Variants in MDN1 observed in about 807,000 individuals in gnomAD.
MDN1 encodes the protein midasin.
Under a neutral mutation model 669.2 loss-of-function variants are expected in MDN1, and 266 were observed. That is an observed-to-expected ratio of 0.40 (90% confidence interval 0.36 to 0.44). MDN1 has a LOEUF of 0.44. Among genes scored for constraint, MDN1 ranks in the 20% least tolerant of loss-of-function variants. The pLI is 1.00. For missense variants in MDN1, 5,940 were observed against 6,754.0 expected (o/e 0.88, Z 4.22); for synonymous variants, 2,385 against 2,457.1 (o/e 0.97, Z 0.87).
chr6:89,746,517 C>G (rs566054895), intron 27 of MDN1, among the ~76,000 whole-genome samples: 226 of 149,598 alleles, frequency 1.5e-3, no homozygotes, highest in African/African-American at 5.3e-3. Flanking sequence ...GAACCCAGAC[C>G]CGGGAGGCAG....
rs144375686 is a variant in MDN1 at position 89,708,603 on chromosome 6, G to A, written c.7791C>T (p.Pro2597=). The A allele has an allele frequency of 1.2e-6, 2 of 1,613,578 alleles. No individual in the cohort carries two copies. The highest frequency in any genetic ancestry group is 1.3e-5 in the African/African-American group (1 of 74,842). ...TTDEFVIPLD[P]RWNMQALDMI... is the part of the protein sequence containing the mutation. The stretch of plus-strand genomic sequence containing the variant: ...TGTCCAGAGCCTGCATATTCCATCG[G>A]GGATCCAGAGGGATCACAAATTCAT... Residue 2597 remains proline (P), a synonymous_variant, in exon 51 of 102, where the codon CCC becomes CCT. Transcript: ENST00000369393.
chr6:89,795,502 G>A (rs1209813347), intron 2 of MDN1, among the ~76,000 whole-genome samples: 5 of 152,066 alleles, frequency 3.3e-5, no homozygotes, highest in Admixed American at 2.6e-4. Context: ...CCTGAAGCTG[G>A]AAGATCATTT....
At chr6:89,658,459 C>A in intron 89 of MDN1, 89 bp from the exon 90 acceptor site, 6 of 1,570,560 alleles carry the variant, frequency 3.8e-6, no homozygotes. Context: ...TTCCCCACTC[C>A]TCACTAAGGG....
In MDN1 at chr6:89,694,202, G is replaced by A; in HGVS notation, c.9772-19C>T. The A allele has an allele frequency of 6.3e-7, 1 of 1,591,748 alleles. No homozygotes were observed. The highest frequency in any genetic ancestry group is 8.6e-7 in the Non-Finnish European group (1 of 1,159,698). ...GGTGTAACTAATGGAAAAGAGAGAA[G>A]TTAGTCCACTGTGTCCCAGCTATGA... On this transcript the variant is annotated intron_variant, in intron 61 of 101. Transcript: ENST00000369393.
At chr6:89,755,618 C>T (rs2128319657) in intron 20 of MDN1, among the ~76,000 whole-genome samples, 1 of 152,224 alleles carries the variant, frequency 6.6e-6, no homozygotes, top group East Asian at 1.9e-4. Flanking sequence ...CACAGTAAAA[C>T]ATTAATATCA....
chr6:89,670,170 A>ATATATATATATTTTTTTTT (rs1444537561), intron 83 of MDN1, among the ~76,000 whole-genome samples: 2 of 23,410 alleles, frequency 8.5e-5, no homozygotes, highest in Non-Finnish European at 1.2e-4. Flanking sequence ...ATATATATAT[A>ATATATATATATTTTTTTTT]TTTTTTTTTT....
chr6:89,691,047 C>T (rs1324541847), intron 63 of MDN1, among the ~76,000 whole-genome samples: 1 of 152,166 alleles, frequency 6.6e-6, no homozygotes, highest in Non-Finnish European at 1.5e-5. Flanking sequence ...CTAAATCCCC[C>T]CTGCTGTGTC....
chr6:89,724,809 C>A (rs1451406580), intron 38 of MDN1, among the ~76,000 whole-genome samples: 4 of 152,134 alleles, frequency 2.6e-5, no homozygotes, highest in Non-Finnish European at 5.9e-5. Context: ...GATTTTTATT[C>A]TTCATAGTAG....
rs75791210 is a variant in MDN1 at position 89,646,917 on chromosome 6, C to G, written c.16396-314G>C. 5.3e-5 allele frequency among the ~76,000 whole-genome samples: 8 copies of G among 152,264 alleles called. No homozygotes were observed. The East Asian group carries it at 1.5e-3, about 29-fold the overall frequency. On this transcript the variant is annotated intron_variant, in intron 99 of 101. Transcript: ENST00000369393. ...TCTGCCTCAGCCTGCCGCCAAGTAA[C>G]TAGCACTACAGGTATGTGCCACCAC...
At chr6:89,648,813 C>A (rs369816493) in intron 97 of MDN1, among the ~76,000 whole-genome samples, 1,075 of 121,704 alleles carry the variant, frequency 8.8e-3, no homozygotes, top group African/African-American at 9.3e-3. Flanking sequence ...ACCCTGTCTT[C>A]AAAAAAAAAA....
Position 89,648,265 on chromosome 6 carries a change from G to A in MDN1, c.16271C>T (p.Ala5424Val). 1 of 1,613,948 alleles carries A rather than the reference G, an allele frequency of 6.2e-7. No individual in the cohort carries two copies. The highest frequency in any genetic ancestry group is 8.5e-7 in the Non-Finnish European group (1 of 1,179,844). ...ALTLLEVGQI[A>V]VCSFGESVKL... ...TACAAAGCAACCTTACCTACACACTGCAATCTGACCCACTTCCAGGAGGGT... is the reference window on the plus strand; with the variant it reads ...TACAAAGCAACCTTACCTACACACTACAATCTGACCCACTTCCAGGAGGGT... Residue 5424 changes from alanine to valine, a missense_variant, in exon 98 of 102, where the codon GCA becomes GTA. By Grantham distance (64) the Ala-to-Val change is moderately conservative. Transcript: ENST00000369393.
intron 1 of MDN1, among the ~76,000 whole-genome samples, chr6:89,813,859 G>T (rs1169859297): frequency 1.3e-5 from 2 of 151,326 alleles, no homozygotes; most frequent in South Asian, 2.1e-4. Context: ...TGGGAGGACT[G>T]CTTGAGCCCA....
rs923758567 is a variant in MDN1 at position 89,695,534 on chromosome 6, A to C, written c.9771+71T>G. 6.6e-7 allele frequency: 1 copy of C among 1,505,464 alleles called. No homozygotes were observed. The highest frequency in any genetic ancestry group is 1.4e-5 in the African/African-American group (1 of 71,558). The allele number at this position is 1,505,464 out of a possible 1,614,324, so 93.3% of individuals were successfully genotyped here. A position where few individuals can be genotyped will look rare whatever the true frequency, so the allele number is the denominator to read the frequency against. ...ATCTGAGCACCCAAAAGGGAATAAA[A>C]GGAGTAATACAATAAGCAAACCCAG... On this transcript the variant is annotated intron_variant, in intron 61 of 101. Coordinates refer to ENST00000369393, the MANE Select transcript of MDN1 (RefSeq NM_014611.3). The surrounding 1 kb of genome is among the most constrained non-coding windows in gnomAD (Gnocchi z 4.1).
chr6:89,790,237 T>C lies in MDN1; in HGVS notation c.1020A>G (p.Glu340=), dbSNP rs779286731. Residue 340 remains glutamate (E), a synonymous_variant, in exon 6 of 102, where the codon GAA becomes GAG. Coordinates refer to ENST00000369393, the MANE Select transcript of MDN1 (RefSeq NM_014611.3). ...TTCTACCTGTCACTGCAGCTAAATA[T>C]TCAACTAAGGAAGTTTTGCCACATC... ...PIGCGKTSLV[E]YLAAVTGRTK... is the part of the protein sequence containing the mutation. 1 of 1,614,142 alleles carries C rather than the reference T, an allele frequency of 6.2e-7. No individual in the cohort carries two copies. Among genetic ancestry groups the C allele is most frequent in the Non-Finnish European group, 8.5e-7 (1 of 1,180,012 alleles).
At chr6:89,717,590 T>G (rs1814472499) in intron 43 of MDN1, among the ~76,000 whole-genome samples, 1 of 152,212 alleles carries the variant, frequency 6.6e-6, no homozygotes, top group Non-Finnish European at 1.5e-5. Context: ...CATTTAAAAA[T>G]ATATGACACA....
Position 89,794,672 on chromosome 6 carries a change from G to A in MDN1, c.459C>T (p.Phe153=), listed in dbSNP as rs1819479715. ...CAGACTGCTCCTGCTGCAGAAACTT[G>A]AAGGCTGCTTCCATTAGGTCCCGGA... ...MKLRDLMEAA[F]KFLQQEQSVF... The change falls in exon 3 of 102, where the codon TTC becomes TTT. Residue 153 remains phenylalanine, a synonymous_variant. Transcript: ENST00000369393. The A allele has an allele frequency of 1.2e-6, 2 of 1,614,168 alleles. No homozygotes were observed. The highest frequency in any genetic ancestry group is 1.7e-6 in the Non-Finnish European group (2 of 1,180,042).
chr6:89,676,645 T>C (rs1260234286), intron 76 of MDN1, among the ~76,000 whole-genome samples: 1 of 152,216 alleles, frequency 6.6e-6, no homozygotes, highest in Non-Finnish European at 1.5e-5. Flanking sequence ...AAACTACTAT[T>C]CAGCTACAGT....
intron 72 of MDN1, among the ~76,000 whole-genome samples, chr6:89,683,571 G>A (rs1811793527): frequency 6.6e-6 from 1 of 152,124 alleles, no homozygotes; most frequent in Non-Finnish European, 1.5e-5. Context: ...TTTGCTCAAA[G>A]TATACAGCTA....
chr6:89,698,518 TATGTAAAC>T (rs1812929187), intron 59 of MDN1, among the ~76,000 whole-genome samples: 1 of 152,220 alleles, frequency 6.6e-6, no homozygotes, highest in Non-Finnish European at 1.5e-5. Context: ...TATAAAAATA[TATGTAAAC>T]AGAAGGATAT....
Sources: allele counts gnomAD v4.1 joint callset (sites outside exome capture counted in the v4.1 genomes callset), GRCh38; gene constraint gnomAD v4.1.1; non-coding constraint Gnocchi (gnomAD v3.1); transcripts MANE v1.5; gene names NCBI Gene and HGNC (gene_info 2026-07-23, HGNC 2026-07-21).